The following DSCAM variants were observed in gnomAD, a reference collection of about 807,000 sequenced individuals.
DSCAM encodes the protein cell adhesion molecule DSCAM.
A neutral mutation model predicts 217.7 loss-of-function variants in DSCAM; 47 were observed. That is an observed-to-expected ratio of 0.22 (90% CI 0.17 to 0.28). DSCAM has a LOEUF of 0.28. Among genes scored for constraint, DSCAM ranks in the 10% least tolerant of loss-of-function variants. DSCAM has a pLI of 1.00. For missense variants in DSCAM, 2,080 were observed against 2,618.3 expected (o/e 0.79, Z 4.49); for synonymous variants, 1,056 against 1,015.3 (o/e 1.04, Z -0.76).
chr21:40,139,915 G>T (rs762382436), intron 18 of DSCAM, among the ~76,000 whole-genome samples: 2 of 150,632 alleles, frequency 1.3e-5, no homozygotes, highest in African/African-American at 2.4e-5. Flanking sequence ...TGTGTGTGGT[G>T]AGTGTGGGAT....
intron 27 of DSCAM, among the ~76,000 whole-genome samples, chr21:40,063,406 A>T (rs941257982): frequency 7.4e-5 from 11 of 148,610 alleles, no homozygotes; most frequent in African/African-American, 2.5e-4. Context: ...AAAAAACTTT[A>T]TTTTTTTTTT....
At chr21:40,145,980 A>ATGTATGTG (rs1555883494) in intron 16 of DSCAM, among the ~76,000 whole-genome samples, 14 of 111,702 alleles carry the variant, frequency 1.3e-4, no homozygotes, top group African/African-American at 3.1e-4. Context: ...ATACATGTGT[A>ATGTATGTG]TGTATGTATA....
intron 1 of DSCAM, among the ~76,000 whole-genome samples, chr21:40,823,883 G>T (rs1358541723): frequency 1.3e-5 from 2 of 151,880 alleles, no homozygotes; most frequent in Non-Finnish European, 2.9e-5. Flanking sequence ...TTCTCATCAG[G>T]TGTTATAAAA....
intron 3 of DSCAM, among the ~76,000 whole-genome samples, chr21:40,510,457 G>T (rs1466523519): frequency 6.6e-6 from 1 of 152,128 alleles, no homozygotes; most frequent in East Asian, 1.9e-4. Flanking sequence ...GACTGTTGAG[G>T]TTTGATAATG....
chr21:40,245,670 A>T (rs1447719073), intron 11 of DSCAM, among the ~76,000 whole-genome samples: 1 of 152,118 alleles, frequency 6.6e-6, no homozygotes, highest in Non-Finnish European at 1.5e-5. Context: ...TTTTTCCTTT[A>T]TGCCAGGAAT....
At chr21:40,513,620 T>C (rs765116528) in intron 3 of DSCAM, among the ~76,000 whole-genome samples, 4 of 151,928 alleles carry the variant, frequency 2.6e-5, no homozygotes, top group Admixed American at 1.3e-4. Flanking sequence ...CATAAACTAG[T>C]AGAAAAAGAA....
chr21:40,129,643 T>C (rs1174606627), intron 19 of DSCAM, among the ~76,000 whole-genome samples: 1 of 152,232 alleles, frequency 6.6e-6, no homozygotes, highest in Non-Finnish European at 1.5e-5. Flanking sequence ...GTTGCTGGTA[T>C]ACCTGCCACT....
At chr21:40,633,250 T>A (rs563711753) in intron 3 of DSCAM, among the ~76,000 whole-genome samples, 10 of 152,318 alleles carry the variant, frequency 6.6e-5, no homozygotes, top group South Asian at 2.1e-4. Context: ...CGACTTTTTC[T>A]ATTGCATCTG....
chr21:40,588,463 G>A (rs1601769155), intron 3 of DSCAM, among the ~76,000 whole-genome samples: 1 of 152,122 alleles, frequency 6.6e-6, no homozygotes, highest in Non-Finnish European at 1.5e-5. Context: ...TAATAAACAT[G>A]AACAAATGCA....
chr21:40,614,594 G>C (rs1218683266), intron 3 of DSCAM, among the ~76,000 whole-genome samples: 1 of 152,154 alleles, frequency 6.6e-6, no homozygotes, highest in Non-Finnish European at 1.5e-5. Flanking sequence ...CTACCACCAA[G>C]ATATAGTCTG....
At chr21:40,437,049 T>C (rs1569122849) in intron 3 of DSCAM, among the ~76,000 whole-genome samples, 1 of 152,226 alleles carries the variant, frequency 6.6e-6, no homozygotes, top group Non-Finnish European at 1.5e-5. Context: ...TAATCAGATG[T>C]GGTGGCTGAA....
intron 2 of DSCAM, among the ~76,000 whole-genome samples, chr21:40,693,223 C>T (rs1003665755): frequency 2.0e-5 from 3 of 151,996 alleles, no homozygotes; most frequent in Non-Finnish European, 2.9e-5. Context: ...TCCCTTGTGC[C>T]CAGGAGTTCA....
intron 1 of DSCAM, among the ~76,000 whole-genome samples, chr21:40,796,657 G>A (rs2091694637): frequency 6.6e-6 from 1 of 152,178 alleles, no homozygotes; most frequent in African/African-American, 2.4e-5. Context: ...CCATGGACCA[G>A]AAACAGTATG....
intron 28 of DSCAM, among the ~76,000 whole-genome samples, chr21:40,058,064 G>A (rs2089056283): frequency 1.3e-5 from 2 of 151,816 alleles, no homozygotes; most frequent in African/African-American, 2.4e-5. Flanking sequence ...AGTAGAGACC[G>A]GGTTTCGCCC....
chr21:40,692,724 C>G (rs1312687095), intron 3 of DSCAM, 86 bp downstream of exon 3: 2 of 1,475,190 alleles, frequency 1.4e-6, no homozygotes, highest in Non-Finnish European at 1.9e-6. Context: ...ATGATGAACA[C>G]ATAAACGGAG....
At chr21:40,751,853 T>C (rs554539736) in intron 1 of DSCAM, among the ~76,000 whole-genome samples, 1 of 152,268 alleles carries the variant, frequency 6.6e-6, no homozygotes, top group African/African-American at 2.4e-5. Context: ...ATTTAAAAAA[T>C]CATTGAAGCA....
At chr21:40,453,272 G>T (rs74694297) in intron 3 of DSCAM, among the ~76,000 whole-genome samples, 7,056 of 152,146 alleles carry the variant, frequency 0.046, 262 homozygotes, top group East Asian at 0.12. Context: ...TCTTTCTTGA[G>T]AAGATAAGGA....
At chr21:40,470,959 T>G (rs1283937437) in intron 3 of DSCAM, among the ~76,000 whole-genome samples, 1 of 152,228 alleles carries the variant, frequency 6.6e-6, no homozygotes, top group Non-Finnish European at 1.5e-5. Context: ...TATTTTTGTC[T>G]AGCAATTTTC....
intron 3 of DSCAM, among the ~76,000 whole-genome samples, chr21:40,687,650 G>A (rs911804667): frequency 1.3e-5 from 2 of 152,170 alleles, no homozygotes; most frequent in Non-Finnish European, 2.9e-5. Context: ...TTGGTTGGCT[G>A]TACCTATAAT....
Sources: gnomAD v4.1 joint callset for allele counts (sites outside exome capture counted in the v4.1 genomes callset) on GRCh38, gnomAD v4.1.1 for gene constraint, MANE v1.5 for transcripts, NCBI Gene and HGNC (gene_info 2026-07-23, HGNC 2026-07-21) for gene names.